The following NKAIN3 variants were observed in gnomAD, a reference collection of about 807,000 sequenced individuals.
NKAIN3 encodes the protein sodium/potassium-transporting ATPase subunit beta-1-interacting protein 3.
A neutral mutation model predicts 30.2 loss-of-function variants in NKAIN3; 25 were observed. The observed-to-expected ratio is 0.83, with a 90% CI of 0.60 to 1.16. The LOEUF is 1.16. NKAIN3 is among the 50% of genes most tolerant of loss of function. The probability of loss-of-function intolerance (pLI) is 0.00; values close to 1 mark genes in which losing one functional copy is unlikely to be tolerated. For missense variants in NKAIN3, 225 were observed against 254.1 expected (o/e 0.89, Z 0.78); for synonymous variants, 91 against 89.6 (o/e 1.02, Z -0.09).
intron 4 of NKAIN3, among the ~76,000 whole-genome samples, chr8:62,893,098 C>T (rs1489605187): frequency 6.6e-6 from 1 of 152,144 alleles, no homozygotes; most frequent in African/African-American, 2.4e-5. Context: ...CTAAATGTCA[C>T]TGAATCAACT....
At chr8:62,849,788 C>A (rs866476974) in intron 4 of NKAIN3, among the ~76,000 whole-genome samples, 1 of 151,934 alleles carries the variant, frequency 6.6e-6, no homozygotes, top group South Asian at 2.1e-4. Flanking sequence ...ATGAACTCGT[C>A]ATTTTTTATG....
chr8:62,437,793 A>G (rs924891233), intron 1 of NKAIN3, among the ~76,000 whole-genome samples: 1 of 152,232 alleles, frequency 6.6e-6, no homozygotes, highest in Non-Finnish European at 1.5e-5. Flanking sequence ...TGGAATCAAC[A>G]CAGTTAATTA....
intron 1 of NKAIN3, chr8:62,383,486 G>A (rs1817335881): frequency 2.2e-6 from 1 of 454,792 alleles, no homozygotes; most frequent in Non-Finnish European, 4.4e-6. Flanking sequence ...GGGCACTTTT[G>A]TCTGCATTAA....
chr8:62,285,454 CAA>C (rs35470221), intron 1 of NKAIN3, among the ~76,000 whole-genome samples: 1 of 152,088 alleles, frequency 6.6e-6, no homozygotes, highest in Non-Finnish European at 1.5e-5. Flanking sequence ...GAGGCTGAAC[CAA>C]AAGTCAGCTT....
intron 3 of NKAIN3, among the ~76,000 whole-genome samples, chr8:62,681,029 C>G (rs1182194372): frequency 1.3e-5 from 2 of 152,118 alleles, no homozygotes; most frequent in African/African-American, 4.8e-5. Flanking sequence ...AGAATTATTT[C>G]AATAAGGGAG....
chr8:62,985,412 G>T (rs2130928431), downstream of NKAIN3, among the ~76,000 whole-genome samples: 1 of 152,208 alleles, frequency 6.6e-6, no homozygotes, highest in Non-Finnish European at 1.5e-5. Flanking sequence ...ACCTTCACAG[G>T]CTGGTCTCCA....
In NKAIN3 at chr8:62,979,564, AT is replaced by A. The variant is rs1824026977; in HGVS notation, c.*14158del. The A allele has an allele frequency of 6.6e-6, 1 of 152,220 alleles. No homozygotes were observed. Among genetic ancestry groups the A allele is most frequent in the Non-Finnish European group, 1.5e-5 (1 of 68,048 alleles). The allele number at this position is 152,220 out of a possible 1,614,324, so 9.4% of individuals were successfully genotyped here. A position where few individuals can be genotyped will look rare whatever the true frequency, so the allele number is the denominator to read the frequency against. On this transcript the variant is annotated 3_prime_UTR_variant, in exon 7 of 7. Coordinates refer to ENST00000623646, the MANE Select transcript of NKAIN3 (RefSeq NM_001304533.3). Reference sequence around the variant, plus strand: ...TGGGGAGTGAAAGCTAAAAGAAATAATATGTCTAATACGATGTGGCATTTTC... The same window carrying A: ...TGGGGAGTGAAAGCTAAAAGAAATAAATGTCTAATACGATGTGGCATTTTC...
chr8:62,453,820 G>C (rs1041045919), intron 1 of NKAIN3, among the ~76,000 whole-genome samples: 2 of 151,942 alleles, frequency 1.3e-5, no homozygotes, highest in Non-Finnish European at 2.9e-5. Flanking sequence ...TCTCAATATT[G>C]AACCAGGAAG....
At chr8:62,923,691 G>A (rs188015124) in intron 5 of NKAIN3, among the ~76,000 whole-genome samples, 11 of 152,254 alleles carry the variant, frequency 7.2e-5, no homozygotes, top group Admixed American at 6.5e-4. Flanking sequence ...CACAGAGTAA[G>A]GCAGGCATTT....
intron 1 of NKAIN3, among the ~76,000 whole-genome samples, chr8:62,269,112 C>T (rs1026810624): frequency 3.9e-5 from 6 of 152,014 alleles, no homozygotes; most frequent in East Asian, 1.9e-4. Context: ...ATGTAATGTG[C>T]GGGAGATGTA....
intron 1 of NKAIN3, among the ~76,000 whole-genome samples, chr8:62,517,420 G>C (rs2129766821): frequency 6.6e-6 from 1 of 152,192 alleles, no homozygotes; most frequent in African/African-American, 2.4e-5. Context: ...CAAGTGCATG[G>C]AATCTTCACC....
At chr8:62,720,389 C>T (rs190395021) in intron 3 of NKAIN3, among the ~76,000 whole-genome samples, 1 of 152,196 alleles carries the variant, frequency 6.6e-6, no homozygotes, top group East Asian at 1.9e-4. Flanking sequence ...AATTTCAGAG[C>T]AGAATTCATG....
intron 1 of NKAIN3, among the ~76,000 whole-genome samples, chr8:62,432,478 A>C (rs1805040915): frequency 1.3e-5 from 2 of 152,114 alleles, no homozygotes; most frequent in African/African-American, 4.8e-5. Context: ...ACCCTCTGTG[A>C]TATTGATGTG....
chr8:62,870,022 G>A (rs1820549886), intron 4 of NKAIN3, among the ~76,000 whole-genome samples: 1 of 151,056 alleles, frequency 6.6e-6, no homozygotes, highest in African/African-American at 2.4e-5. Flanking sequence ...CACCCGCGTC[G>A]GCCTCCCAAA....
chr8:62,415,146 T>TA (rs1804395427), intron 1 of NKAIN3, among the ~76,000 whole-genome samples: 1 of 130,876 alleles, frequency 7.6e-6, no homozygotes, highest in African/African-American at 2.8e-5. Flanking sequence ...TATATATGTA[T>TA]TATATACTAT....
chr8:62,729,040 C>CAAACCAAAAAAAA, intron 3 of NKAIN3, among the ~76,000 whole-genome samples: 1 of 61,204 alleles, frequency 1.6e-5, no homozygotes, highest in Non-Finnish European at 3.0e-5. Flanking sequence ...AAAAAAAAAA[C>CAAACCAAAAAAAA]AAAAAAAAAA....
chr8:62,441,312 T>C (rs965644928), intron 1 of NKAIN3, among the ~76,000 whole-genome samples: 2 of 152,114 alleles, frequency 1.3e-5, no homozygotes, highest in South Asian at 2.1e-4. Flanking sequence ...CAGCTGTTTT[T>C]CCTAAGTCTT....
intron 4 of NKAIN3, chr8:62,857,090 C>T: frequency 2.3e-6 from 1 of 439,924 alleles, no homozygotes. Context: ...TACATGTTGG[C>T]TACTTCTCAC....
rs1490110560 is a variant in NKAIN3 at position 62,690,289 on chromosome 8, G to A, written c.274-56643G>A. Among the ~76,000 whole-genome samples, 27 of 151,942 alleles carry A rather than the reference G, an allele frequency of 1.8e-4. 1 individual carries two copies. The highest frequency in any genetic ancestry group is 1.7e-3 in the Admixed American group (26 of 15,242). On this transcript the variant is annotated intron_variant, in intron 3 of 6. Coordinates refer to ENST00000623646, the MANE Select transcript of NKAIN3 (RefSeq NM_001304533.3). ...CACCAATTACAGGGCTTCTTACAACGGGGCCCCGTGCCCCTGGACCAGTCC... is the reference window on the plus strand; with the variant it reads ...CACCAATTACAGGGCTTCTTACAACAGGGCCCCGTGCCCCTGGACCAGTCC...
Sources: allele counts gnomAD v4.1 joint callset (sites outside exome capture counted in the v4.1 genomes callset), GRCh38; gene constraint gnomAD v4.1.1; transcripts MANE v1.5; gene names NCBI Gene and HGNC (gene_info 2026-07-23, HGNC 2026-07-21).